The following FBXL17 variants were observed in gnomAD, a reference collection of about 807,000 sequenced individuals.
The protein encoded by FBXL17 is F-box and leucine rich repeat protein 17.
In FBXL17, 22 loss-of-function variants were observed where a neutral mutation model predicts 66.2. That is an observed-to-expected ratio of 0.33 (90% confidence interval 0.24 to 0.47). The LOEUF (loss-of-function observed/expected upper bound fraction) is 0.47, where lower values mean the gene tolerates loss of function less well. FBXL17 is among the 20% of genes least tolerant of loss of function. The pLI is 1.00. For missense variants in FBXL17, 878 were observed against 948.2 expected (o/e 0.93, Z 0.97); for synonymous variants, 474 against 400.5 (o/e 1.18, Z -2.19).
intron 7 of FBXL17, among the ~76,000 whole-genome samples, chr5:107,943,154 G>C (rs1338907521): frequency 1.3e-5 from 2 of 152,068 alleles, no homozygotes; most frequent in African/African-American, 4.8e-5. Flanking sequence ...AACACTTCCT[G>C]TATCCTGCAG....
chr5:108,218,831 C>A (rs2150069813), intron 5 of FBXL17, among the ~76,000 whole-genome samples: 1 of 152,146 alleles, frequency 6.6e-6, no homozygotes, highest in Admixed American at 6.5e-5. Flanking sequence ...ATAGTAGCTC[C>A]TTATCAGATA....
At chr5:108,259,421 TG>T (rs2150123757) in intron 4 of FBXL17, among the ~76,000 whole-genome samples, 1 of 152,312 alleles carries the variant, frequency 6.6e-6, no homozygotes, top group Non-Finnish European at 1.5e-5. Context: ...GTATCCTCAA[TG>T]TAGCTGTAGT....
In FBXL17 at chr5:108,091,252, A is replaced by T. The variant is rs1369510157; in HGVS notation, c.1746-70251T>A. On this transcript the variant is annotated intron_variant, in intron 6 of 8. Coordinates refer to ENST00000542267, the MANE Select transcript of FBXL17 (RefSeq NM_001163315.3). ...CATGGCTATCCAAAGCACATAATATATAAGTAATACCAACAACAGTATTTA... is the reference window on the plus strand; with the variant it reads ...CATGGCTATCCAAAGCACATAATATTTAAGTAATACCAACAACAGTATTTA... 2.0e-5 allele frequency among the ~76,000 whole-genome samples: 3 copies of T among 152,366 alleles called. No individual in the cohort carries two copies. The East Asian group carries it at 5.8e-4, about 29-fold the overall frequency.
At chr5:108,362,765 C>T (rs1163903439) in intron 3 of FBXL17, among the ~76,000 whole-genome samples, 2 of 151,992 alleles carry the variant, frequency 1.3e-5, no homozygotes, top group Non-Finnish European at 2.9e-5. Context: ...TGTAAACAAA[C>T]TGACAGAATT....
chr5:108,349,375 T>C (rs573194586), intron 3 of FBXL17, among the ~76,000 whole-genome samples: 1 of 152,298 alleles, frequency 6.6e-6, no homozygotes, highest in African/African-American at 2.4e-5. Flanking sequence ...TGAGTTTTTA[T>C]TCCCTTCTGC....
chr5:108,061,179 C>T (rs1489637983), intron 6 of FBXL17, among the ~76,000 whole-genome samples: 1 of 151,806 alleles, frequency 6.6e-6, no homozygotes, highest in Admixed American at 6.6e-5. Flanking sequence ...CCCAGCTACT[C>T]GGGAGGCTAA....
intron 7 of FBXL17, among the ~76,000 whole-genome samples, chr5:107,936,315 T>C (rs1415918409): frequency 1.3e-5 from 2 of 152,160 alleles, no homozygotes; most frequent in Non-Finnish European, 2.9e-5. Flanking sequence ...TCTTAATAGC[T>C]GAAAAAGGCA....
At chr5:107,871,069 A>AAAAAAC (rs1554080844) in intron 8 of FBXL17, among the ~76,000 whole-genome samples, 4 of 130,174 alleles carry the variant, frequency 3.1e-5, no homozygotes, top group Non-Finnish European at 6.3e-5. Flanking sequence ...AAAAAAAAAA[A>AAAAAAC]AAAAAAAAAA....
intron 4 of FBXL17, among the ~76,000 whole-genome samples, chr5:108,267,605 A>G (rs1757097130): frequency 1.3e-5 from 2 of 152,120 alleles, no homozygotes; most frequent in Non-Finnish European, 1.5e-5. Context: ...TATTAAACAA[A>G]TATTTTGTGC....
intron 5 of FBXL17, among the ~76,000 whole-genome samples, chr5:108,197,927 A>C (rs1753743311): frequency 6.6e-6 from 1 of 152,138 alleles, no homozygotes; most frequent in South Asian, 2.1e-4. Flanking sequence ...AAATGCCTAA[A>C]CCTTAATTTC....
chr5:108,117,868 TGCC>T (rs1750324886), intron 6 of FBXL17, among the ~76,000 whole-genome samples: 2 of 152,160 alleles, frequency 1.3e-5, no homozygotes, highest in African/African-American at 4.8e-5. Context: ...CTTGCAGAAC[TGCC>T]AGAGATGCTC....
At chr5:108,166,462 T>C (rs1195331348) in intron 6 of FBXL17, among the ~76,000 whole-genome samples, 1 of 152,084 alleles carries the variant, frequency 6.6e-6, no homozygotes. Flanking sequence ...TAAGATGATG[T>C]GTTATAGTCT....
intron 6 of FBXL17, among the ~76,000 whole-genome samples, chr5:108,080,183 C>T (rs1580414058): frequency 1.3e-5 from 2 of 152,278 alleles, no homozygotes; most frequent in Non-Finnish European, 2.9e-5. Context: ...GATAAATTTA[C>T]CTTACAGCAA....
At chr5:108,154,663 A>ATATATATGTG (rs1491090583) in intron 6 of FBXL17, among the ~76,000 whole-genome samples, 1 of 144,226 alleles carries the variant, frequency 6.9e-6, no homozygotes, top group African/African-American at 2.5e-5. Flanking sequence ...ATGTATATAC[A>ATATATATGTG]TATATATGTG....
At chr5:107,898,965 C>G (rs1749477660) in intron 7 of FBXL17, among the ~76,000 whole-genome samples, 1 of 152,114 alleles carries the variant, frequency 6.6e-6, no homozygotes, top group Non-Finnish European at 1.5e-5. Context: ...ATTTATATTC[C>G]TTTGGGTATA....
intron 6 of FBXL17, among the ~76,000 whole-genome samples, chr5:108,174,449 T>C (rs752344837): frequency 1.3e-5 from 2 of 152,160 alleles, no homozygotes; most frequent in African/African-American, 2.4e-5. Flanking sequence ...TTAGCCTAAA[T>C]TAATTGCTTT....
intron 6 of FBXL17, among the ~76,000 whole-genome samples, chr5:108,049,680 T>C (rs1431133008): frequency 1.3e-5 from 2 of 152,156 alleles, no homozygotes; most frequent in Non-Finnish European, 2.9e-5. Flanking sequence ...CTGCATCAAC[T>C]AGTGTGCAAA....
intron 6 of FBXL17, among the ~76,000 whole-genome samples, chr5:108,149,301 TTTTA>T (rs1330674996): frequency 6.6e-6 from 1 of 152,268 alleles, no homozygotes; most frequent in Non-Finnish European, 1.5e-5. Flanking sequence ...TCTTTTAATT[TTTTA>T]TTTAATTTTC....
intron 6 of FBXL17, among the ~76,000 whole-genome samples, chr5:108,168,306 G>A (rs1381170766): frequency 2.6e-5 from 4 of 152,124 alleles, no homozygotes; most frequent in Non-Finnish European, 4.4e-5. Flanking sequence ...GAGGGGAAGG[G>A]GAAGGGTGAT....
Sources: gnomAD v4.1 joint callset for allele counts (sites outside exome capture counted in the v4.1 genomes callset) on GRCh38, gnomAD v4.1.1 for gene constraint, MANE v1.5 for transcripts, NCBI Gene and HGNC (gene_info 2026-07-23, HGNC 2026-07-21) for gene names.